The following TMEM132B variants were observed in gnomAD, a reference collection of about 807,000 sequenced individuals.
TMEM132B encodes transmembrane protein 132B.
In TMEM132B, 18 loss-of-function variants were observed where a neutral mutation model predicts 90.8. That is an observed-to-expected ratio of 0.20 (90% CI 0.14 to 0.29). The LOEUF (loss-of-function observed/expected upper bound fraction) is 0.29, where lower values mean the gene tolerates loss of function less well. TMEM132B is among the 10% of genes least tolerant of loss of function. The pLI is 1.00. For missense variants in TMEM132B, 1,096 were observed against 1,326.8 expected, an observed-to-expected ratio of 0.83 and a Z score of 2.70; for synonymous variants, 504 against 523.3, an observed-to-expected ratio of 0.96 and a Z score of 0.50.
At chr12:125,294,988 GGT>G (rs1875631588) in intron 1 of TMEM132B, among the ~76,000 whole-genome samples, 1 of 152,186 alleles carries the variant, frequency 6.6e-6, no homozygotes, top group Non-Finnish European at 1.5e-5. Context: ...CTTAACGGCG[GGT>G]GGTAGGATTG....
rs148137860 is a variant in TMEM132B at position 125,517,010 on chromosome 12, G to T, written c.1107-2429G>T. ...TGGGGTGACTCTAGCTGAAAACTGA[G>T]CTGAAAGCTCAGCCCTTCATCTATT... On this transcript the variant is annotated intron_variant, in intron 3 of 8. Coordinates refer to ENST00000682704, the MANE Select transcript of TMEM132B (RefSeq NM_001366854.1). Among the ~76,000 whole-genome samples, 265 of 152,296 alleles carry T rather than the reference G, an allele frequency of 1.7e-3. 2 individuals carry two copies. Among genetic ancestry groups the T allele is most frequent in the African/African-American group, 6.0e-3 (250 of 41,576 alleles).
intron 1 of TMEM132B, among the ~76,000 whole-genome samples, chr12:125,281,257 G>C (rs1875162084): frequency 6.6e-6 from 1 of 152,188 alleles, no homozygotes; most frequent in Non-Finnish European, 1.5e-5. Flanking sequence ...AGGGAAGCCC[G>C]GGGACTGGGG....
At chr12:125,472,242 G>A (rs993700117) in intron 3 of TMEM132B, among the ~76,000 whole-genome samples, 7 of 152,154 alleles carry the variant, frequency 4.6e-5, no homozygotes, top group Non-Finnish European at 8.8e-5. Flanking sequence ...AGCAGTGCAG[G>A]GGGGTACAGC....
chr12:125,392,127 T>C (rs1879042046), intron 2 of TMEM132B, among the ~76,000 whole-genome samples: 1 of 152,156 alleles, frequency 6.6e-6, no homozygotes, highest in Non-Finnish European at 1.5e-5. Context: ...TTAACTTGGA[T>C]TTTAGAAAGT....
rs116236290 is a variant in TMEM132B, at chr12:125,295,878, C to T, written c.68-53574C>T. Among the ~76,000 whole-genome samples, 303 of 152,280 alleles carry T rather than the reference C, an allele frequency of 2.0e-3. 1 individual carries two copies. The highest frequency in any genetic ancestry group is 7.0e-3 in the African/African-American group (292 of 41,552). ...TAAAACGATGCATAACACAATCAGG[C>T]GGCACTTAGCACTGTGGCGAAATAG... is the stretch of plus-strand genomic sequence containing the variant. On this transcript the variant is annotated intron_variant, in intron 1 of 8. Coordinates refer to ENST00000682704, the MANE Select transcript of TMEM132B (RefSeq NM_001366854.1).
At chr12:125,515,765 C>T (rs1012569015) in intron 3 of TMEM132B, among the ~76,000 whole-genome samples, 5 of 151,998 alleles carry the variant, frequency 3.3e-5, no homozygotes, top group Admixed American at 1.3e-4. Flanking sequence ...CACACATTCT[C>T]ACACACATTT....
chr12:125,404,966 C>CA (rs1879424227), intron 2 of TMEM132B, among the ~76,000 whole-genome samples: 1 of 152,182 alleles, frequency 6.6e-6, no homozygotes, highest in Non-Finnish European at 1.5e-5. Context: ...TACAGCGTAA[C>CA]ATAATAATAA....
Position 125,459,251 on chromosome 12 carries a change from G to A in TMEM132B, c.1106+43574G>A, listed in dbSNP as rs375453740. 3.0e-4 allele frequency among the ~76,000 whole-genome samples: 45 copies of A among 152,114 alleles called. No homozygotes were observed. The highest frequency in any genetic ancestry group is 9.7e-4 in the African/African-American group (40 of 41,414). On this transcript the variant is annotated intron_variant, in intron 3 of 8. Coordinates refer to ENST00000682704, the MANE Select transcript of TMEM132B (RefSeq NM_001366854.1). The surrounding 1 kb of genome is among the most constrained non-coding windows in gnomAD (Gnocchi z 4.1). ...GACCCTCTTCTACGTGTGGGGAACC[G>A]CCAGCATGTCCTTGGCTCAAGTCAC...
At chr12:125,384,182 G>C (rs1878763062) in intron 2 of TMEM132B, among the ~76,000 whole-genome samples, 1 of 152,022 alleles carries the variant, frequency 6.6e-6, no homozygotes, top group Non-Finnish European at 1.5e-5. Context: ...CCTGACCTCA[G>C]GGTGATTGCC....
intron 5 of TMEM132B, among the ~76,000 whole-genome samples, chr12:125,635,980 A>G (rs1291498220): frequency 6.6e-6 from 1 of 152,114 alleles, no homozygotes. Context: ...TCCCTCCCCC[A>G]GTGCACTGAA....
chr12:125,210,547 CAT>C (rs1052841775), intron 1 of TMEM132B, among the ~76,000 whole-genome samples: 18 of 151,536 alleles, frequency 1.2e-4, no homozygotes, highest in African/African-American at 3.6e-4. Flanking sequence ...GAGGCAGACT[CAT>C]GTGGGTAGTG....
At chr12:125,294,353 T>C (rs1875615801) in intron 1 of TMEM132B, among the ~76,000 whole-genome samples, 1 of 152,254 alleles carries the variant, frequency 6.6e-6, no homozygotes, top group South Asian at 2.1e-4. Context: ...ATTTAAGAGT[T>C]ACTCATGCAC....
chr12:125,437,952 T>C (rs1396159065), intron 3 of TMEM132B, among the ~76,000 whole-genome samples: 1 of 152,224 alleles, frequency 6.6e-6, no homozygotes, highest in Admixed American at 6.5e-5. Flanking sequence ...GTCAATTTTG[T>C]GTTCTATTTA....
intron 6 of TMEM132B, among the ~76,000 whole-genome samples, chr12:125,647,283 G>GTT (rs1886790048): frequency 6.6e-6 from 1 of 152,160 alleles, no homozygotes; most frequent in Non-Finnish European, 1.5e-5. Context: ...AAGGTGTCGG[G>GTT]CTCAAACAGT....
At chr12:125,357,578 T>C (rs1238541560) in intron 2 of TMEM132B, among the ~76,000 whole-genome samples, 1 of 152,184 alleles carries the variant, frequency 6.6e-6, no homozygotes, top group African/African-American at 2.4e-5. Flanking sequence ...TAACATAAAA[T>C]AGCAACAACA....
At chr12:125,364,588 T>A (rs1186666195) in intron 2 of TMEM132B, among the ~76,000 whole-genome samples, 1 of 152,132 alleles carries the variant, frequency 6.6e-6, no homozygotes, top group East Asian at 1.9e-4. Context: ...TAGAGATCAA[T>A]TTATGGAGAA....
At chr12:125,462,459 A>G (rs1454572005) in intron 3 of TMEM132B, among the ~76,000 whole-genome samples, 1 of 152,198 alleles carries the variant, frequency 6.6e-6, no homozygotes, top group Non-Finnish European at 1.5e-5. Flanking sequence ...TACCCAAATA[A>G]TTAATTATAA....
intron 3 of TMEM132B, among the ~76,000 whole-genome samples, chr12:125,471,371 A>G (rs1004875282): frequency 5.9e-5 from 9 of 152,234 alleles, no homozygotes; most frequent in Admixed American, 5.9e-4. Context: ...GGTAATTACC[A>G]GAGTTGTCAT....
intron 2 of TMEM132B, among the ~76,000 whole-genome samples, chr12:125,385,169 AG>A (rs1398533380): frequency 6.6e-6 from 1 of 152,236 alleles, no homozygotes; most frequent in Non-Finnish European, 1.5e-5. Context: ...TTTTAAAATT[AG>A]GCAAGATTGT....
Sources: allele counts gnomAD v4.1 joint callset (sites outside exome capture counted in the v4.1 genomes callset), GRCh38; gene constraint gnomAD v4.1.1; non-coding constraint Gnocchi (gnomAD v3.1); transcripts MANE v1.5; gene names NCBI Gene and HGNC (gene_info 2026-07-23, HGNC 2026-07-21).